The following COL20A1 variants were observed in gnomAD, a reference collection of about 807,000 sequenced individuals.
The protein encoded by COL20A1 is collagen alpha-1(XX) chain.
Under a neutral mutation model 152.9 loss-of-function variants are expected in COL20A1, and 164 were observed. That is an observed-to-expected ratio of 1.07 (90% CI 0.94 to 1.22). The LOEUF (loss-of-function observed/expected upper bound fraction) is 1.22. Ranked by LOEUF, COL20A1 falls within the 50% of genes most tolerant of loss-of-function variation. COL20A1 has a pLI of 0.00. For missense variants in COL20A1, 1,873 were observed against 1,744.8 expected (o/e 1.07, Z -1.31); for synonymous variants, 864 against 756.0 (o/e 1.14, Z -2.34).
At chr20:63,309,228 T>C in intron 8 of COL20A1, 105 bp from the exon 9 acceptor site, 3 of 917,564 alleles carry the variant, frequency 3.3e-6, no homozygotes, top group Non-Finnish European at 4.6e-6. Flanking sequence ...GTACAGCCCA[T>C]AGGCCTCTTT....
chr20:63,317,874 C>G (rs1477923856), intron 21 of COL20A1, among the ~76,000 whole-genome samples: 2 of 152,152 alleles, frequency 1.3e-5, no homozygotes, highest in Admixed American at 1.3e-4. Context: ...CCCCCGCCCC[C>G]CTCTCCTCTT....
intron 14 of COL20A1, 87 bp from the exon 15 acceptor site, chr20:63,312,333 G>C (rs1304086882): frequency 2.2e-5 from 31 of 1,386,178 alleles, no homozygotes; most frequent in Non-Finnish European, 2.2e-5. Flanking sequence ...GGTAGTCCTG[G>C]CTGCAGGTGC....
chr20:63,294,712 T>G (rs2067764632), intron 1 of COL20A1, among the ~76,000 whole-genome samples: 1 of 152,166 alleles, frequency 6.6e-6, no homozygotes, highest in African/African-American at 2.4e-5. Flanking sequence ...GCTCGCCCCT[T>G]GCCTCAGCCC....
At chr20:63,310,607 C>T in intron 11 of COL20A1, 97 bp downstream of exon 11, 1 of 1,341,516 alleles carries the variant, frequency 7.5e-7, no homozygotes, top group East Asian at 2.5e-5. Flanking sequence ...TAGCGAGCAG[C>T]TCTGGATCTT....
rs976686473 is a variant in COL20A1 at position 63,322,069 on chromosome 20, G to A, written c.3252G>A (p.Gly1084=). The change falls in exon 27 of 36, where the codon GGG becomes GGA. Residue 1084 remains glycine (G), a synonymous_variant. Transcript: ENST00000358894. ...TTGTGCCTCTGCAGGGCCTCCCTGGGAGGAATGGCACCCCAGGAGAGCAGG... is the reference window on the plus strand; with the variant it reads ...TTGTGCCTCTGCAGGGCCTCCCTGGAAGGAATGGCACCCCAGGAGAGCAGG... ...PGPQGPPGLP[G]RNGTPGEQGF... is the part of the protein sequence containing the mutation. 2.0e-6 allele frequency: 3 copies of A among 1,507,934 alleles called. No homozygotes were observed. Among genetic ancestry groups the A allele is most frequent in the Middle Eastern group, 1.7e-4 (1 of 5,782 alleles). The allele number at this position is 1,507,934 out of a possible 1,614,324, so 93.4% of individuals were successfully genotyped here.
chr20:63,298,829 C>G (rs2067831212), intron 3 of COL20A1, among the ~76,000 whole-genome samples: 1 of 152,210 alleles, frequency 6.6e-6, no homozygotes, highest in Non-Finnish European at 1.5e-5. Flanking sequence ...GATGGAAAAG[C>G]ACACAGGCAT....
intron 26 of COL20A1, 119 bp downstream of exon 26, chr20:63,321,218 A>T (rs1253978616): frequency 1.6e-6 from 1 of 643,162 alleles, no homozygotes; most frequent in East Asian, 2.8e-5. Context: ...CCTGCCGCAG[A>T]GTTGGGATGT....
At chr20:63,322,013 T>C (rs1884821) in intron 26 of COL20A1, 45 bp from the exon 27 acceptor site, 1,464,057 of 1,482,180 alleles carry the variant, frequency 0.99, 724,373 homozygotes, top group East Asian at 1. Flanking sequence ...TCCTCTACCT[T>C]GGTTGGGTAG....
rs771446131 is a variant in COL20A1, at chr20:63,327,991, A to C, written c.3564+4A>C. ...CAAAGGGGAACGAGGAGAGAAGGTA[A>C]GTGAGGCTGAGATCTTTGGCTCACT... On this transcript the variant is annotated splice_donor_region_variant and intron_variant, in intron 32 of 35. Coordinates refer to ENST00000358894, the MANE Select transcript of COL20A1 (RefSeq NM_020882.4). The C allele has an allele frequency of 1.2e-6, 2 of 1,609,626 alleles. No homozygotes were observed. The highest frequency in any genetic ancestry group is 1.1e-5 in the South Asian group (1 of 89,972).
At position 63,324,026 on chromosome 20, in the gene COL20A1, T is replaced by A. The variant is rs184806523; in HGVS notation, c.3295-1415T>A. Among the ~76,000 whole-genome samples, 893 of 152,360 alleles carry A rather than the reference T, an allele frequency of 5.9e-3. 13 individuals carry two copies. The highest frequency in any genetic ancestry group is 0.02 in the African/African-American group (843 of 41,580). Reference sequence around the variant, plus strand: ...TTGTTCACAGGGCCTGTTGTGGCCCTCAGTACAGTGTGGGGATGGTCTCTT... The same window carrying A: ...TTGTTCACAGGGCCTGTTGTGGCCCACAGTACAGTGTGGGGATGGTCTCTT... On this transcript the variant is annotated intron_variant, in intron 27 of 35. Coordinates refer to ENST00000358894, the MANE Select transcript of COL20A1 (RefSeq NM_020882.4).
chr20:63,322,799 C>A lies in COL20A1; in HGVS notation c.3294+688C>A, dbSNP rs528071965. On this transcript the variant is annotated intron_variant, in intron 27 of 35. Coordinates refer to ENST00000358894, the MANE Select transcript of COL20A1 (RefSeq NM_020882.4). ...CCTCCCGACCCCGACACCCACCTCT[C>A]CCCCGGCAGCCTTCCAGCGAGTTCC... 2.6e-3 allele frequency among the ~76,000 whole-genome samples: 399 copies of A among 152,394 alleles called. 3 individuals carry two copies. Among genetic ancestry groups the A allele is most frequent in the African/African-American group, 9.0e-3 (374 of 41,606 alleles).
chr20:63,312,444 T>G lies in COL20A1; in HGVS notation c.1828T>G (p.Ser610Ala). The G allele has an allele frequency of 6.2e-7, 1 of 1,602,280 alleles. No homozygotes were observed. The highest frequency in any genetic ancestry group is 8.5e-7 in the Non-Finnish European group (1 of 1,176,352). Reference sequence around the variant, plus strand: ...GACAGAGGCTCCTGGGAACGCCACCTCGGCCACGCTGGGGCCTCTCTCTTC... The same window carrying G: ...GACAGAGGCTCCTGGGAACGCCACCGCGGCCACGCTGGGGCCTCTCTCTTC... ...GQTEAPGNAT[S>A]ATLGPLSSST... Residue 610 changes from serine to alanine, a missense_variant, in exon 15 of 36, where the codon TCG becomes GCG. Physicochemically the swap from Ser to Ala is moderately conservative, Grantham distance 99. Transcript: ENST00000358894.
chr20:63,298,015 T>C lies in COL20A1; in HGVS notation c.188T>C (p.Met63Thr). The C allele has an allele frequency of 6.2e-7, 1 of 1,608,572 alleles. No individual in the cohort carries two copies. Among genetic ancestry groups the C allele is most frequent in the Non-Finnish European group, 8.5e-7 (1 of 1,177,548 alleles). The change falls in exon 3 of 36, where the codon ATG becomes ACG. Residue 63 changes from methionine (M) to threonine (T), a missense_variant. Transcript: ENST00000358894. ...GLGYLVQVKPMAGDSEQEVIL... is the reference protein window; with the variant it reads ...GLGYLVQVKPTAGDSEQEVIL... ...GGCTACCTGGTGCAGGTGAAGCCCA[T>C]GGCAGGTGAGGACCTGCCCCTCCCA... is the stretch of plus-strand genomic sequence containing the variant.
intron 27 of COL20A1, among the ~76,000 whole-genome samples, chr20:63,323,937 C>T (rs1219387463): frequency 6.6e-6 from 1 of 152,176 alleles, no homozygotes; most frequent in Non-Finnish European, 1.5e-5. Flanking sequence ...TAGATATACT[C>T]GGGAACAGAT....
chr20:63,312,917 G>A lies in COL20A1; in HGVS notation c.2059G>A (p.Glu687Lys), dbSNP rs954626263. ...CCAGATCACGTGGACGCCCCTGGGA[G>A]AGGGGAAGGCTCACGAGGTGGGCAG... is the stretch of plus-strand genomic sequence containing the variant. Reference protein sequence around the residue: ...VYQITWTPLGEGKAHEISVPG... With the variant: ...VYQITWTPLGKGKAHEISVPG... Residue 687 changes from glutamate (E) to lysine (K), a missense_variant, in exon 16 of 36, where the codon GAG (glutamate) becomes AAG (lysine). Glu to Lys is a moderately conservative substitution (Grantham distance 56). Transcript: ENST00000358894. 20 of 1,555,266 alleles carry A rather than the reference G, an allele frequency of 1.3e-5. No individual in the cohort carries two copies. Among genetic ancestry groups the A allele is most frequent in the Middle Eastern group, 1.7e-4 (1 of 5,924 alleles).
intron 3 of COL20A1, among the ~76,000 whole-genome samples, chr20:63,302,316 C>A (rs1306910170): frequency 6.6e-6 from 1 of 152,006 alleles, no homozygotes; most frequent in Non-Finnish European, 1.5e-5. Context: ...TGATGCATGT[C>A]TTTTATTAAT....
At chr20:63,322,552 C>G (rs1285686745) in intron 27 of COL20A1, among the ~76,000 whole-genome samples, 1 of 152,180 alleles carries the variant, frequency 6.6e-6, no homozygotes, top group Admixed American at 6.5e-5. Flanking sequence ...TCTCTAGGCT[C>G]AGCGCATGCG....
intron 20 of COL20A1, 128 bp downstream of exon 20, chr20:63,315,567 T>C: frequency 1.2e-6 from 1 of 852,146 alleles, no homozygotes; most frequent in Non-Finnish European, 1.8e-6. Context: ...TGGGCGGGTT[T>C]GTGCCTCCAC....
chr20:63,307,929 A>G, intron 6 of COL20A1, 42 bp from the exon 7 acceptor site: 1 of 1,606,244 alleles, frequency 6.2e-7, no homozygotes, highest in Non-Finnish European at 8.5e-7. Context: ...TGGGCATCTC[A>G]GCATTGGAAA....
Sources: allele counts gnomAD v4.1 joint callset (sites outside exome capture counted in the v4.1 genomes callset), GRCh38; gene constraint gnomAD v4.1.1; transcripts MANE v1.5; gene names NCBI Gene and HGNC (gene_info 2026-07-23, HGNC 2026-07-21).